The following SWAP70 variants were observed in gnomAD, a reference collection of about 807,000 sequenced individuals.
SWAP70 encodes the protein switch-associated protein 70.
SWAP70 carries 34 observed loss-of-function variants against 80.2 expected under a neutral mutation model. That is an observed-to-expected ratio of 0.42 (90% CI 0.32 to 0.56). The LOEUF is 0.56. Ranked by LOEUF, SWAP70 falls within the 20% of genes least tolerant of loss-of-function variation. SWAP70 has a pLI of 0.09. For synonymous variants in SWAP70, 239 were observed against 238.5 expected, an observed-to-expected ratio of 1.00 and a Z score of -0.02; for missense variants, 578 against 690.7, an observed-to-expected ratio of 0.84 and a Z score of 1.83.
At chr11:9,728,851 TA>T (rs1851259044) in intron 5 of SWAP70, among the ~76,000 whole-genome samples, 1 of 151,770 alleles carries the variant, frequency 6.6e-6, no homozygotes, top group East Asian at 1.9e-4. Flanking sequence ...TAGATTTAAC[TA>T]AACATGGAGA....
At chr11:9,741,781 T>C (rs1421402332) in intron 9 of SWAP70, 3 of 151,906 alleles carry the variant, frequency 2.0e-5, no homozygotes, top group Non-Finnish European at 4.4e-5. Flanking sequence ...CAGTGGTTTT[T>C]TAACCAATGT....
At position 9,738,281 on chromosome 11, in the gene SWAP70, T is replaced by C. The variant is rs984261223; in HGVS notation, c.1149T>C (p.Leu383=). 6.2e-6 allele frequency: 10 copies of C among 1,611,056 alleles called. No individual in the cohort carries two copies. Among genetic ancestry groups the C allele is most frequent in the African/African-American group, 1.3e-5 (1 of 74,676 alleles). ...EKKRLQTQVE[L]QARFSTELER... ...AACGCCTTCAGACTCAAGTGGAACT[T>C]CAGGCCAGGTTCAGCACAGAGCTGG... The change falls in exon 8 of 12, where the codon CTT becomes CTC. Residue 383 remains leucine, a synonymous_variant. Coordinates refer to ENST00000318950, the MANE Select transcript of SWAP70 (RefSeq NM_015055.4).
intron 4 of SWAP70, 35 bp from the exon 5 acceptor site, chr11:9,728,005 CTTACAAATAAAAA>C (rs1590041236): frequency 6.6e-7 from 1 of 1,519,114 alleles, no homozygotes; most frequent in Non-Finnish European, 8.8e-7. Context: ...GATGTCAGCT[CTTACAAATAAAAA>C]GACAATAATT....
At chr11:9,698,098 TTG>T (rs1466802185) in intron 2 of SWAP70, among the ~76,000 whole-genome samples, 10,096 of 134,458 alleles carry the variant, frequency 0.075, 1,087 homozygotes, top group African/African-American at 0.21. Context: ...TACATGTTTT[TTG>T]TTTTTTTTTT....
In SWAP70 at chr11:9,725,012, G is replaced by GT. The variant is rs578187698; in HGVS notation, c.642+134dup. The GT allele has an allele frequency of 5.9e-4, 417 of 704,608 alleles. 2 individuals carry two copies. In the Middle Eastern group the frequency reaches 6.0e-3, roughly 10 times the overall value. 43.6% of individuals were successfully genotyped at this position (704,608 alleles called of 1,614,324 possible). A position where few individuals can be genotyped will look rare whatever the true frequency, so the allele number is the denominator to read the frequency against. ...CACTGATTTCGTTTTTTTATTTTTT[G>GT]TTTTTTTGAGACAGTCTTGCTCTGT... On this transcript the variant is annotated intron_variant, in intron 4 of 11. Coordinates refer to ENST00000318950, the MANE Select transcript of SWAP70 (RefSeq NM_015055.4).
Position 9,738,265 on chromosome 11 carries a change from A to T in SWAP70, c.1133A>T (p.Gln378Leu), listed in dbSNP as rs1851389725. The change falls in exon 8 of 12, where the codon CAG becomes CTG. Residue 378 changes from glutamine to leucine, a missense_variant. Transcript: ENST00000318950. The stretch of plus-strand genomic sequence containing the variant: ...GCAGAAGAGGAAAAGAAACGCCTTC[A>T]GACTCAAGTGGAACTTCAGGCCAGG... ...RAAEEEKKRLQTQVELQARFS... is the reference protein window; with the variant it reads ...RAAEEEKKRLLTQVELQARFS... 6.2e-7 allele frequency: 1 copy of T among 1,611,766 alleles called. No individual in the cohort carries two copies. The highest frequency in any genetic ancestry group is 1.3e-5 in the African/African-American group (1 of 74,776).
chr11:9,720,596 C>G, intron 3 of SWAP70: 2 of 539,446 alleles, frequency 3.7e-6, no homozygotes, highest in Non-Finnish European at 4.7e-6. Flanking sequence ...TGTGGCTATA[C>G]ACATGTGCTT....
intron 2 of SWAP70, among the ~76,000 whole-genome samples, chr11:9,701,797 A>G (rs1850836893): frequency 6.6e-6 from 1 of 151,126 alleles, no homozygotes; most frequent in Admixed American, 6.6e-5. Flanking sequence ...TAGTACCAAT[A>G]AAGTATATAA....
intron 9 of SWAP70, among the ~76,000 whole-genome samples, chr11:9,742,450 C>T (rs966860803): frequency 6.6e-6 from 1 of 151,980 alleles, no homozygotes; most frequent in African/African-American, 2.4e-5. Flanking sequence ...GACTCTCCTG[C>T]CTCAGCCTCC....
Position 9,738,336 on chromosome 11 carries a change from C to T in SWAP70, c.1188+16C>T. On this transcript the variant is annotated intron_variant, in intron 8 of 11. Transcript: ENST00000318950. ...AGAGAAGCTTGTGAGTATCACATGG[C>T]TGGAGAAAGCAGCTGCAGTAGCTCA... The T allele has an allele frequency of 3.8e-6, 6 of 1,562,600 alleles. No homozygotes were observed. Among genetic ancestry groups the T allele is most frequent in the Non-Finnish European group, 5.2e-6 (6 of 1,153,468 alleles).
intron 1 of SWAP70, among the ~76,000 whole-genome samples, chr11:9,670,181 A>T (rs1590004750): frequency 6.6e-6 from 1 of 152,140 alleles, no homozygotes; most frequent in Admixed American, 6.6e-5. Flanking sequence ...AAGAGGTAAT[A>T]GGGACTAGAG....
chr11:9,732,600 A>T lies in SWAP70; in HGVS notation c.970A>T (p.Lys324Ter). Residue 324 changes from lysine (K) to a stop codon, truncating the protein, a stop_gained, in exon 7 of 12, where the codon AAA becomes TAA. Coordinates refer to ENST00000318950, the MANE Select transcript of SWAP70 (RefSeq NM_015055.4). LOFTEE classifies it high-confidence loss of function. ...PPHKEARQRR[K>*]ELRKKQLAEQ... ...ACACAAAGAAGCCCGCCAGCGTCGG[A>T]AAGAACTCCGGAAGAAGCAGCTGGC... 1 of 1,601,718 alleles carries T rather than the reference A, an allele frequency of 6.2e-7. No individual in the cohort carries two copies. Among genetic ancestry groups the T allele is most frequent in the Non-Finnish European group, 8.5e-7 (1 of 1,172,862 alleles).
chr11:9,672,715 G>C (rs533306164), intron 1 of SWAP70, among the ~76,000 whole-genome samples: 7 of 151,958 alleles, frequency 4.6e-5, no homozygotes, highest in African/African-American at 1.7e-4. Flanking sequence ...TATTCGTTTA[G>C]ATAAATGTGC....
intron 1 of SWAP70, among the ~76,000 whole-genome samples, chr11:9,675,346 CGAGAGAGA>C (rs1184480305): frequency 2.4e-4 from 2 of 8,414 alleles, no homozygotes; most frequent in East Asian, 2.8e-3. Flanking sequence ...AGAGAGGGAG[CGAGAGAGA>C]GAGAGAGAGA....
chr11:9,712,722 A>C (rs1163395996), intron 2 of SWAP70, among the ~76,000 whole-genome samples: 1 of 148,960 alleles, frequency 6.7e-6, no homozygotes, highest in Non-Finnish European at 1.5e-5. Flanking sequence ...CCCCAAAAGA[A>C]GGTATCTTCT....
At chr11:9,719,992 TTTTC>T in intron 3 of SWAP70, 1 of 889,082 alleles carries the variant, frequency 1.1e-6, no homozygotes, top group Non-Finnish European at 1.3e-6. Flanking sequence ...CTTGAAAGTT[TTTTC>T]TTTGTTATTT....
chr11:9,724,530 A>AGG, intron 3 of SWAP70, 128 bp from the exon 4 acceptor site: 1 of 671,702 alleles, frequency 1.5e-6, no homozygotes, highest in Non-Finnish European at 2.5e-6. Flanking sequence ...GAGACTCTAA[A>AGG]GGTAGGCATT....
intron 1 of SWAP70, among the ~76,000 whole-genome samples, chr11:9,664,639 C>T (rs1197195559): frequency 6.6e-6 from 1 of 152,230 alleles, no homozygotes; most frequent in African/African-American, 2.4e-5. Flanking sequence ...AGCTCCCTTA[C>T]ACAGCCTTCC....
intron 2 of SWAP70, among the ~76,000 whole-genome samples, chr11:9,711,050 G>T (rs1850991687): frequency 6.7e-6 from 1 of 149,726 alleles, no homozygotes; most frequent in Admixed American, 6.6e-5. Context: ...ATTTATTTAT[G>T]TATTTTTTAT....
Sources: gnomAD v4.1 joint callset for allele counts (sites outside exome capture counted in the v4.1 genomes callset) on GRCh38, gnomAD v4.1.1 for gene constraint, MANE v1.5 for transcripts, NCBI Gene and HGNC (gene_info 2026-07-23, HGNC 2026-07-21) for gene names.